ROBO1: variants seen among roughly 807,000 people sequenced by gnomAD.
The protein encoded by ROBO1 is roundabout homolog 1.
In ROBO1, 149 loss-of-function variants were observed where a neutral mutation model predicts 195.9. The observed-to-expected ratio is 0.76, with a 90% CI of 0.67 to 0.87. ROBO1 has a LOEUF of 0.87. ROBO1 is among the 40% of genes least tolerant of loss of function. The probability of loss-of-function intolerance (pLI) is 0.00; values close to 1 mark genes in which losing one functional copy is unlikely to be tolerated. For missense variants in ROBO1, 1,933 were observed against 2,068.3 expected, an observed-to-expected ratio of 0.93 and a Z score of 1.27; for synonymous variants, 816 against 733.2, an observed-to-expected ratio of 1.11 and a Z score of -1.82.
rs1436238948 is a variant in ROBO1, at chr3:78,831,034, T to A, written c.500-84134A>T. On this transcript the variant is annotated intron_variant, in intron 4 of 30. Coordinates refer to ENST00000464233, the MANE Select transcript of ROBO1 (RefSeq NM_002941.4). ...TTCAAGTGATTCTCCTGCCTTAGCC[T>A]CCTGAGTAGCTGGGATTATATGCTC... is the stretch of plus-strand genomic sequence containing the variant. 2.6e-5 allele frequency among the ~76,000 whole-genome samples: 4 copies of A among 152,072 alleles called. No individual in the cohort carries two copies. In the East Asian group the frequency reaches 7.7e-4, roughly 29 times the overall value.
At chr3:79,068,749 C>T (rs1230814501) in intron 3 of ROBO1, among the ~76,000 whole-genome samples, 2 of 151,804 alleles carry the variant, frequency 1.3e-5, no homozygotes, top group East Asian at 1.9e-4. Flanking sequence ...AAAAAATCAT[C>T]GCCTTATCAG....
intron 3 of ROBO1, among the ~76,000 whole-genome samples, chr3:79,095,727 A>G (rs919006478): frequency 1.3e-5 from 2 of 151,952 alleles, no homozygotes; most frequent in Non-Finnish European, 2.9e-5. Flanking sequence ...GTACAAGATG[A>G]GTTCTCTCTC....
intron 2 of ROBO1, among the ~76,000 whole-genome samples, chr3:79,244,955 G>C (rs1459996088): frequency 6.6e-6 from 1 of 151,928 alleles, no homozygotes. Flanking sequence ...ACAACAAGAC[G>C]TAAGTGGCAT....
chr3:79,372,869 G>T (rs2036249575), intron 2 of ROBO1, among the ~76,000 whole-genome samples: 1 of 151,692 alleles, frequency 6.6e-6, no homozygotes, highest in African/African-American at 2.4e-5. Context: ...TGGTATATTA[G>T]CATGTTGTAA....
chr3:78,876,258 T>G (rs2035840515), intron 4 of ROBO1, among the ~76,000 whole-genome samples: 1 of 152,108 alleles, frequency 6.6e-6, no homozygotes, highest in African/African-American at 2.4e-5. Context: ...TCAAAATAGT[T>G]CTACAGAGTG....
At position 79,360,420 on chromosome 3, in the gene ROBO1, T is replaced by C. The variant is rs2035724054; in HGVS notation, c.88+229404A>G. On this transcript the variant is annotated intron_variant, in intron 2 of 30. Coordinates refer to ENST00000464233, the MANE Select transcript of ROBO1 (RefSeq NM_002941.4). Reference sequence around the variant, plus strand: ...TTTATGAAGAATTTTTTTGTACTTTTAAATTTTTTCTTTGTTTTCTCCACC... The same window carrying C: ...TTTATGAAGAATTTTTTTGTACTTTCAAATTTTTTCTTTGTTTTCTCCACC... Among the ~76,000 whole-genome samples the C allele has an allele frequency of 2.6e-5, 4 of 151,988 alleles. No homozygotes were observed. The South Asian group carries it at 8.3e-4, about 31-fold the overall frequency.
intron 1 of ROBO1, among the ~76,000 whole-genome samples, chr3:79,650,557 TTA>T (rs1945974072): frequency 1.3e-5 from 2 of 151,858 alleles, no homozygotes; most frequent in South Asian, 4.1e-4. Context: ...CAGTATAAAT[TTA>T]TGATTAAGTT....
chr3:79,346,703 T>C (rs1577004349), intron 2 of ROBO1, among the ~76,000 whole-genome samples: 2 of 152,104 alleles, frequency 1.3e-5, no homozygotes, highest in African/African-American at 4.8e-5. Context: ...GTTTCCTAAA[T>C]TAAAAAGAAG....
chr3:79,128,746 C>G (rs1405524227), intron 2 of ROBO1, among the ~76,000 whole-genome samples: 2 of 152,082 alleles, frequency 1.3e-5, no homozygotes, highest in Non-Finnish European at 2.9e-5. Flanking sequence ...AATTTAGTGG[C>G]CATTGGACCT....
intron 2 of ROBO1, among the ~76,000 whole-genome samples, chr3:79,126,768 G>A (rs902701894): frequency 1.3e-5 from 2 of 152,112 alleles, no homozygotes; most frequent in Admixed American, 6.6e-5. Context: ...TGCAGGTACT[G>A]CCCCTCTAGA....
At chr3:78,988,295 A>C (rs2077159385) in intron 3 of ROBO1, among the ~76,000 whole-genome samples, 1 of 152,172 alleles carries the variant, frequency 6.6e-6, no homozygotes, top group Admixed American at 6.6e-5. Context: ...TTACTGAGAA[A>C]TGTGTTTATC....
chr3:79,351,144 A>G (rs2109265378), intron 2 of ROBO1, among the ~76,000 whole-genome samples: 1 of 152,292 alleles, frequency 6.6e-6, no homozygotes, highest in South Asian at 2.1e-4. Context: ...GCTAATATAA[A>G]TGAGATCTGA....
At chr3:79,744,431 C>T (rs1703781888) in intron 1 of ROBO1, among the ~76,000 whole-genome samples, 1 of 152,142 alleles carries the variant, frequency 6.6e-6, no homozygotes, top group Non-Finnish European at 1.5e-5. Flanking sequence ...ACCATAATCT[C>T]CATGTGATGA....
rs1447221261 is a variant in ROBO1, at chr3:79,715,377, C to A, written c.-51+52375G>T. ...AAGAAATTGCCACAGTTACCCCAACCTTCGGCAACCATCACCCTGATCAAT... is the reference window on the plus strand; with the variant it reads ...AAGAAATTGCCACAGTTACCCCAACATTCGGCAACCATCACCCTGATCAAT... On this transcript the variant is annotated intron_variant, in intron 1 of 30. Coordinates refer to ENST00000464233, the MANE Select transcript of ROBO1 (RefSeq NM_002941.4). Among the ~76,000 whole-genome samples, 3 of 152,126 alleles carry A rather than the reference C, an allele frequency of 2.0e-5. No individual in the cohort carries two copies. The East Asian group carries it at 5.8e-4, about 29-fold the overall frequency.
intron 2 of ROBO1, among the ~76,000 whole-genome samples, chr3:79,206,042 A>G (rs551655926): frequency 6.6e-6 from 1 of 152,232 alleles, no homozygotes; most frequent in Admixed American, 6.5e-5. Flanking sequence ...GAAAATATTA[A>G]GTGGAAAATT....
intron 2 of ROBO1, among the ~76,000 whole-genome samples, chr3:79,505,471 T>G (rs948085056): frequency 6.6e-6 from 1 of 152,182 alleles, no homozygotes; most frequent in Non-Finnish European, 1.5e-5. Context: ...AAGGTATATG[T>G]TCTCCAAAGC....
intron 2 of ROBO1, among the ~76,000 whole-genome samples, chr3:79,294,637 G>A (rs918304999): frequency 1.3e-5 from 2 of 152,054 alleles, no homozygotes; most frequent in African/African-American, 4.8e-5. Context: ...CACAACAAAA[G>A]AAACAATCAT....
At chr3:79,208,220 A>G (rs564994193) in intron 2 of ROBO1, among the ~76,000 whole-genome samples, 1 of 152,086 alleles carries the variant, frequency 6.6e-6, no homozygotes, top group South Asian at 2.1e-4. Context: ...TGTCCTCCCC[A>G]CTCATAAGTT....
intron 1 of ROBO1, among the ~76,000 whole-genome samples, chr3:79,762,801 G>C (rs534079507): frequency 4.1e-4 from 63 of 152,200 alleles, no homozygotes; most frequent in Admixed American, 2.0e-3. Flanking sequence ...CAGATAGCTC[G>C]CCAAACTTGT....
Sources: gnomAD v4.1 joint callset for allele counts (sites outside exome capture counted in the v4.1 genomes callset) on GRCh38, gnomAD v4.1.1 for gene constraint, MANE v1.5 for transcripts, NCBI Gene and HGNC (gene_info 2026-07-23, HGNC 2026-07-21) for gene names.